TBX21: variants seen among roughly 807,000 people sequenced by gnomAD.
TBX21 encodes the protein T-box transcription factor TBX21.
A neutral mutation model predicts 52.2 loss-of-function variants in TBX21; 11 were observed. The ratio of observed to expected loss-of-function variants is 0.21; its 90% CI spans 0.13 to 0.35. The LOEUF (loss-of-function observed/expected upper bound fraction) is 0.35. Among genes scored for constraint, TBX21 ranks in the 10% least tolerant of loss-of-function variants. The pLI, the probability that TBX21 is intolerant of heterozygous loss-of-function variation, is 1.00. For synonymous variants in TBX21, 300 were observed against 316.1 expected, an observed-to-expected ratio of 0.95 and a Z score of 0.54; for missense variants, 625 against 755.1, an observed-to-expected ratio of 0.83 and a Z score of 2.02.
At chr17:47,739,753 C>T (rs2032247314) in intron 1 of TBX21, among the ~76,000 whole-genome samples, 1 of 143,454 alleles carries the variant, frequency 7.0e-6, no homozygotes, top group South Asian at 2.3e-4. Context: ...CAGAGCGAGA[C>T]TCCGTCTCAA....
chr17:47,733,823 G>A lies in TBX21; in HGVS notation c.369G>A (p.Glu123=). 1.2e-6 allele frequency: 2 copies of A among 1,604,578 alleles called. No homozygotes were observed. The highest frequency in any genetic ancestry group is 1.3e-5 in the African/African-American group (1 of 74,946). The change falls in exon 1 of 6, where the codon GAG becomes GAA. Residue 123 remains glutamate, a synonymous_variant. Coordinates refer to ENST00000177694, the MANE Select transcript of TBX21 (RefSeq NM_013351.2). This position sits in a 1 kb window ranked among gnomAD's most constrained non-coding sequence, Gnocchi z 6.6. ...CCGGGCTCTACCCGGGGCCGCGTGAGGACTACGCGCTACCCGCGGGACTGG... is the reference window on the plus strand; with the variant it reads ...CCGGGCTCTACCCGGGGCCGCGTGAAGACTACGCGCTACCCGCGGGACTGG... ...PRAGLYPGPR[E]DYALPAGLEV...
chr17:47,734,597 G>GTGTGTA (rs1764471692), intron 1 of TBX21, among the ~76,000 whole-genome samples: 3 of 135,528 alleles, frequency 2.2e-5, no homozygotes, highest in Admixed American at 2.2e-4. Flanking sequence ...GTGTGTGTGT[G>GTGTGTA]TGTGTGTGTG....
At chr17:47,734,096 A>C (rs186568382) in intron 1 of TBX21, 151 bp downstream of exon 1, 127 of 1,357,888 alleles carry the variant, frequency 9.4e-5, no homozygotes, top group African/African-American at 3.9e-4. Flanking sequence ...GGTTGTTAGG[A>C]GGACAGGGAA....
chr17:47,738,389 T>G (rs1219116793), intron 1 of TBX21, among the ~76,000 whole-genome samples: 1 of 152,142 alleles, frequency 6.6e-6, no homozygotes, highest in African/African-American at 2.4e-5. Flanking sequence ...TTGCTTTTTG[T>G]CTGGCTGTTT....
At chr17:47,744,718 C>T in intron 5 of TBX21, 30 bp from the exon 6 acceptor site, 1 of 1,601,182 alleles carries the variant, frequency 6.2e-7, no homozygotes, top group East Asian at 2.2e-5. Flanking sequence ...CTGCTTGTGA[C>T]CCGTTTTCTT....
Position 47,744,828 on chromosome 17 carries a change from C to G in TBX21, c.1070C>G (p.Pro357Arg), listed in dbSNP as rs757416045. The G allele has an allele frequency of 4.3e-6, 7 of 1,614,216 alleles. No individual in the cohort carries two copies. The South Asian group carries it at 7.7e-5, about 18-fold the overall frequency. ...TTCCTTGGGGGAGATCACTACTCTC[C>G]TCTCCTACCCAACCAGTATCCTGTT... is the stretch of plus-strand genomic sequence containing the variant. ...CQFLGGDHYS[P>R]LLPNQYPVPS... is the part of the protein sequence containing the mutation. The change falls in exon 6 of 6, where the codon CCT (proline) becomes CGT (arginine). Residue 357 changes from proline (P) to arginine (R), a missense_variant. Physicochemically the swap from Pro to Arg is moderately radical, Grantham distance 103. This residue lies in a region of TBX21 where 261 missense variants were observed against 275.1 expected (regional missense o/e 0.95). Coordinates refer to ENST00000177694, the MANE Select transcript of TBX21 (RefSeq NM_013351.2).
chr17:47,743,889 A>AAAAAAAG (rs770750325), intron 3 of TBX21, among the ~76,000 whole-genome samples: 2 of 150,304 alleles, frequency 1.3e-5, no homozygotes, highest in African/African-American at 2.5e-5. Flanking sequence ...CAAAAAAAAA[A>AAAAAAAG]AAAAAAGAAA....
At chr17:47,738,359 A>G (rs910356530) in intron 1 of TBX21, among the ~76,000 whole-genome samples, 1 of 150,656 alleles carries the variant, frequency 6.6e-6, no homozygotes, top group Admixed American at 6.6e-5. Flanking sequence ...GGGTCTCACT[A>G]TGTTGCCCAG....
At chr17:47,739,670 A>G (rs1386701643) in intron 1 of TBX21, among the ~76,000 whole-genome samples, 1 of 151,874 alleles carries the variant, frequency 6.6e-6, no homozygotes, top group Admixed American at 6.6e-5. Flanking sequence ...GAGGCAGGAG[A>G]ATAATGGCGT....
At chr17:47,738,801 A>G (rs776031502) in intron 1 of TBX21, among the ~76,000 whole-genome samples, 1 of 151,970 alleles carries the variant, frequency 6.6e-6, no homozygotes, top group Admixed American at 6.6e-5. Context: ...GGGTTTCACC[A>G]TGTTACCCAG....
At chr17:47,736,468 A>ATGTG (rs143206521) in intron 1 of TBX21, among the ~76,000 whole-genome samples, 2 of 151,750 alleles carry the variant, frequency 1.3e-5, no homozygotes, top group Admixed American at 6.6e-5. Flanking sequence ...TGCTTCATAA[A>ATGTG]TGTGTGTGTG....
At position 47,733,937 on chromosome 17, in the gene TBX21, G is replaced by A. The variant is rs2032172888; in HGVS notation, c.483G>A (p.Lys161=). The part of the protein sequence containing the change: ...NQHQTEMIIT[K]QGRRMFPFLS... ...ACCAGACAGAGATGATCATCACCAAGCAGGGACGGTGAGTGCGGCGCGCCG... is the reference window on the plus strand; with the variant it reads ...ACCAGACAGAGATGATCATCACCAAACAGGGACGGTGAGTGCGGCGCGCCG... The change falls in exon 1 of 6, where the codon AAG becomes AAA. Residue 161 remains lysine (K), a synonymous_variant. Transcript: ENST00000177694. The surrounding 1 kb of genome is among the most constrained non-coding windows in gnomAD (Gnocchi z 6.6). 1.9e-6 allele frequency: 3 copies of A among 1,613,346 alleles called. No homozygotes were observed. The highest frequency in any genetic ancestry group is 2.7e-5 in the African/African-American group (2 of 75,026).
At chr17:47,740,638 G>C (rs1261287082) in intron 1 of TBX21, among the ~76,000 whole-genome samples, 1 of 152,202 alleles carries the variant, frequency 6.6e-6, no homozygotes, top group Non-Finnish European at 1.5e-5. Flanking sequence ...GCTGAGGCAG[G>C]AGAATCACTT....
At chr17:47,739,212 T>G (rs886266308) in intron 1 of TBX21, among the ~76,000 whole-genome samples, 1 of 152,146 alleles carries the variant, frequency 6.6e-6, no homozygotes, top group African/African-American at 2.4e-5. Flanking sequence ...TCAGGGGCTA[T>G]TTTGGGATTC....
Position 47,745,255 on chromosome 17 carries a change from G to A in TBX21, c.1497G>A (p.Arg499=). 6.2e-7 allele frequency: 1 copy of A among 1,614,236 alleles called. No individual in the cohort carries two copies. The highest frequency in any genetic ancestry group is 8.5e-7 in the Non-Finnish European group (1 of 1,180,042). Residue 499 remains arginine (R), a synonymous_variant, in exon 6 of 6, where the codon AGG becomes AGA. Coordinates refer to ENST00000177694, the MANE Select transcript of TBX21 (RefSeq NM_013351.2). ...DSGLGEGDSK[R]RRVSPYPSSG... is the part of the protein sequence containing the mutation. Reference sequence around the variant, plus strand: ...GACTGGGCGAAGGAGACTCTAAGAGGAGGCGCGTGTCCCCCTATCCTTCCA... The same window carrying A: ...GACTGGGCGAAGGAGACTCTAAGAGAAGGCGCGTGTCCCCCTATCCTTCCA...
chr17:47,740,640 G>C (rs1203650893), intron 1 of TBX21, among the ~76,000 whole-genome samples: 3 of 152,196 alleles, frequency 2.0e-5, no homozygotes, highest in Non-Finnish European at 4.4e-5. Flanking sequence ...TGAGGCAGGA[G>C]AATCACTTGA....
rs1442515057 is a variant in TBX21 at position 47,745,381 on chromosome 17, G to A, written c.*15G>A. On this transcript the variant is annotated 3_prime_UTR_variant, in exon 6 of 6. Transcript: ENST00000177694. ...TTCCCAACTGAGCAGATGACATGAT[G>A]AAAGGAACAGAAACAGTGTTATTAG... is the stretch of plus-strand genomic sequence containing the variant. 7 of 1,572,262 alleles carry A rather than the reference G, an allele frequency of 4.5e-6. No individual in the cohort carries two copies. In the Admixed American group the frequency reaches 1.3e-4, roughly 29 times the overall value.
At chr17:47,743,321 C>T (rs1225856427) in intron 3 of TBX21, 129 bp downstream of exon 3, 10 of 1,288,804 alleles carry the variant, frequency 7.8e-6, no homozygotes, top group East Asian at 2.5e-5. Context: ...AAGGAAGGTT[C>T]GTTTTTCTTC....
chr17:47,733,547 G>A lies in TBX21; in HGVS notation c.93G>A (p.Pro31=), dbSNP rs1484842926. The A allele has an allele frequency of 2.0e-6, 3 of 1,489,960 alleles. No individual in the cohort carries two copies. Among genetic ancestry groups the A allele is most frequent in the African/African-American group, 1.5e-5 (1 of 68,496 alleles). The allele number at this position is 1,489,960 out of a possible 1,614,324, so 92.3% of individuals were successfully genotyped here. The change falls in exon 1 of 6, where the codon CCG becomes CCA. Residue 31 remains proline, a synonymous_variant. Transcript: ENST00000177694. The surrounding 1 kb of genome is among the most constrained non-coding windows in gnomAD (Gnocchi z 6.6). ...SDEGRAPGAD[P]QHRYFYPEPG... is the part of the protein sequence containing the mutation. ...AGGGCCGGGCGCCTGGCGCCGACCC[G>A]CAGCACCGCTACTTCTACCCGGAGC... is the stretch of plus-strand genomic sequence containing the variant.
Sources: allele counts gnomAD v4.1 joint callset (sites outside exome capture counted in the v4.1 genomes callset), GRCh38; gene constraint gnomAD v4.1.1; regional missense constraint gnomAD v4.1.1; non-coding constraint Gnocchi (gnomAD v3.1); transcripts MANE v1.5; gene names NCBI Gene and HGNC (gene_info 2026-07-23, HGNC 2026-07-21).